The following RNF150 variants were observed in gnomAD, a reference collection of about 807,000 sequenced individuals.
The protein encoded by RNF150 is ring finger protein 150.
In RNF150, 24 loss-of-function variants were observed where a neutral mutation model predicts 39.3. That is an observed-to-expected ratio of 0.61 (90% CI 0.44 to 0.86). The LOEUF (loss-of-function observed/expected upper bound fraction) is 0.86. Ranked by LOEUF, RNF150 falls within the 40% of genes least tolerant of loss-of-function variation. The probability of loss-of-function intolerance (pLI) is 0.00; values close to 1 mark genes in which losing one functional copy is unlikely to be tolerated. For missense variants in RNF150, 502 were observed against 587.8 expected, an observed-to-expected ratio of 0.85 and a Z score of 1.51; for synonymous variants, 255 against 227.3, an observed-to-expected ratio of 1.12 and a Z score of -1.10.
At chr4:140,869,068 A>T (rs1034281753) in intron 6 of RNF150, among the ~76,000 whole-genome samples, 6 of 152,206 alleles carry the variant, frequency 3.9e-5, no homozygotes, top group African/African-American at 1.4e-4. Flanking sequence ...TCCAGGATGT[A>T]TTATAGAGAA....
chr4:141,185,310 T>G (rs1016483578), intron 1 of RNF150, among the ~76,000 whole-genome samples: 1 of 152,172 alleles, frequency 6.6e-6, no homozygotes, highest in African/African-American at 2.4e-5. Flanking sequence ...GGAAGTTCAC[T>G]CATGATTTGG....
intron 4 of RNF150, among the ~76,000 whole-genome samples, chr4:140,930,427 C>A (rs1225484931): frequency 6.6e-6 from 1 of 152,228 alleles, no homozygotes; most frequent in Non-Finnish European, 1.5e-5. Context: ...AGGACACAAG[C>A]TGTAGGAGAA....
chr4:141,005,246 C>G (rs1188342795), intron 1 of RNF150, among the ~76,000 whole-genome samples: 1 of 152,026 alleles, frequency 6.6e-6, no homozygotes, highest in South Asian at 2.1e-4. Flanking sequence ...TTGAGAAATC[C>G]AAGTAGAGAT....
At chr4:141,123,555 TA>T (rs1214320594) in intron 1 of RNF150, among the ~76,000 whole-genome samples, 6 of 150,532 alleles carry the variant, frequency 4.0e-5, no homozygotes, top group South Asian at 2.1e-4. Context: ...GTAATCATTT[TA>T]TTTTTTTTAT....
chr4:141,106,665 G>A (rs1739218719), intron 1 of RNF150, among the ~76,000 whole-genome samples: 1 of 152,014 alleles, frequency 6.6e-6, no homozygotes, highest in East Asian at 1.9e-4. Context: ...ATGGTGGTGG[G>A]CGCCTGTAGT....
intron 1 of RNF150, among the ~76,000 whole-genome samples, chr4:141,183,596 T>C (rs1033166642): frequency 2.6e-5 from 4 of 152,128 alleles, no homozygotes; most frequent in African/African-American, 9.7e-5. Flanking sequence ...TGCAGGTTTG[T>C]TATATATGTA....
chr4:141,163,993 T>C (rs57240524), intron 1 of RNF150, among the ~76,000 whole-genome samples: 9,535 of 151,838 alleles, frequency 0.063, 965 homozygotes, highest in African/African-American at 0.22. Context: ...AGGTGGGTAA[T>C]AAGAAAGTCT....
chr4:141,066,866 G>A (rs1227223096), intron 1 of RNF150, among the ~76,000 whole-genome samples: 1 of 152,112 alleles, frequency 6.6e-6, no homozygotes, highest in Non-Finnish European at 1.5e-5. Flanking sequence ...AGTTGACTTT[G>A]TTGTTGTGCA....
chr4:140,998,914 T>C (rs1370842744), intron 1 of RNF150, among the ~76,000 whole-genome samples: 3 of 152,260 alleles, frequency 2.0e-5, no homozygotes, highest in South Asian at 2.1e-4. Context: ...AGCTTCATAT[T>C]TGTGGAATAA....
chr4:141,206,994 C>A (rs536592936), intron 1 of RNF150, among the ~76,000 whole-genome samples: 28 of 151,254 alleles, frequency 1.9e-4, no homozygotes, highest in Non-Finnish European at 4.1e-4. Context: ...AAGTGTCCAG[C>A]ATGGTAAGAA....
chr4:141,112,911 CTTTG>C (rs142903012), intron 1 of RNF150, among the ~76,000 whole-genome samples: 5,397 of 152,034 alleles, frequency 0.035, 343 homozygotes, highest in African/African-American at 0.12. Flanking sequence ...TTCTTGGAGG[CTTTG>C]TTCGTTCGTT....
At chr4:141,069,761 A>T (rs1475619491) in intron 1 of RNF150, among the ~76,000 whole-genome samples, 1 of 151,876 alleles carries the variant, frequency 6.6e-6, no homozygotes, top group East Asian at 1.9e-4. Flanking sequence ...CTATTCAGAG[A>T]TTCAACTTCT....
chr4:141,132,750 G>A lies in RNF150; in HGVS notation c.59C>T (p.Ser20Phe), dbSNP rs1209971394. 1 of 1,610,592 alleles carries A rather than the reference G, an allele frequency of 6.2e-7. No homozygotes were observed. The highest frequency in any genetic ancestry group is 8.5e-7 in the Non-Finnish European group (1 of 1,178,676). ...CSLALSTWLL[S>F]FCFVHLLCLD... ...GCAGAGCAGATGCACGAAACAAAAG[G>A]AAAGCAGCCATGTTGAGAGAGCCAG... The change falls in exon 1 of 7, where the codon TCC (serine) becomes TTC (phenylalanine). Residue 20 changes from serine to phenylalanine, a missense_variant. By Grantham distance (155) the Ser-to-Phe change is radical. Transcript: ENST00000515673. This position sits in a 1 kb window ranked among gnomAD's most constrained non-coding sequence, Gnocchi z 4.9.
At chr4:141,166,463 A>G (rs1315471152) in intron 1 of RNF150, among the ~76,000 whole-genome samples, 1 of 152,222 alleles carries the variant, frequency 6.6e-6, no homozygotes, top group Admixed American at 6.5e-5. Context: ...TCATCCTGAT[A>G]CCAAAACCTG....
intron 1 of RNF150, among the ~76,000 whole-genome samples, chr4:141,128,991 G>A (rs1265954325): frequency 6.6e-6 from 1 of 152,218 alleles, no homozygotes; most frequent in African/African-American, 2.4e-5. Flanking sequence ...AGGCTGTGGA[G>A]AAATTGGAAC....
intron 1 of RNF150, among the ~76,000 whole-genome samples, chr4:141,185,828 A>T (rs556589294): frequency 6.6e-6 from 1 of 152,170 alleles, no homozygotes; most frequent in Non-Finnish European, 1.5e-5. Flanking sequence ...GTGATGAATT[A>T]TGTTTATTGA....
At chr4:141,089,480 C>G (rs573122663) in intron 1 of RNF150, among the ~76,000 whole-genome samples, 55 of 152,166 alleles carry the variant, frequency 3.6e-4, no homozygotes, top group African/African-American at 1.3e-3. Context: ...TAAAAGTGAC[C>G]GAAAACTTAC....
intron 6 of RNF150, among the ~76,000 whole-genome samples, chr4:140,907,170 A>T (rs927538831): frequency 6.6e-6 from 1 of 152,196 alleles, no homozygotes; most frequent in African/African-American, 2.4e-5. Flanking sequence ...GAGAAGTTAA[A>T]GGCAAAGTGT....
chr4:141,000,031 A>G (rs1312671722), intron 1 of RNF150, among the ~76,000 whole-genome samples: 1 of 53,150 alleles, frequency 1.9e-5, no homozygotes, highest in East Asian at 4.1e-4. Context: ...AAGAAGAAGA[A>G]GAAGAAGAAG....
Sources: allele counts gnomAD v4.1 joint callset (sites outside exome capture counted in the v4.1 genomes callset), GRCh38; gene constraint gnomAD v4.1.1; non-coding constraint Gnocchi (gnomAD v3.1); transcripts MANE v1.5; gene names NCBI Gene and HGNC (gene_info 2026-07-23, HGNC 2026-07-21).